The following SBNO2 variants were observed in gnomAD, a reference collection of about 807,000 sequenced individuals.
The protein encoded by SBNO2 is protein strawberry notch homolog 2.
A neutral mutation model predicts 146.3 loss-of-function variants in SBNO2; 89 were observed. That is an observed-to-expected ratio of 0.61 (90% CI 0.51 to 0.73). The LOEUF (loss-of-function observed/expected upper bound fraction) is 0.73. SBNO2 is among the 30% of genes least tolerant of loss of function. The pLI is 0.00. For missense variants in SBNO2, 2,092 were observed against 2,003.7 expected, an observed-to-expected ratio of 1.04 and a Z score of -0.84; for synonymous variants, 1,147 against 892.6, an observed-to-expected ratio of 1.29 and a Z score of -5.08.
intron 4 of SBNO2, among the ~76,000 whole-genome samples, chr19:1,130,644 T>C (rs1021427730): frequency 6.6e-6 from 1 of 152,034 alleles, no homozygotes; most frequent in Non-Finnish European, 1.5e-5. Context: ...GTTTAAAAAT[T>C]AGCTGGGCAT....
chr19:1,173,071 T>C lies in SBNO2; in HGVS notation c.-127+1101A>G, dbSNP rs1379800055. Among the ~76,000 whole-genome samples, 1 of 150,274 alleles carries C rather than the reference T, an allele frequency of 6.7e-6. No individual in the cohort carries two copies. Among genetic ancestry groups the C allele is most frequent in the African/African-American group, 2.5e-5 (1 of 40,756 alleles). ...ACCCACCGTCCCTGCCCCAGCACCA[T>C]CCGTGCCCGGCGTCCCTGGAGGCGC... On this transcript the variant is annotated intron_variant, in intron 1 of 31. Transcript: ENST00000361757. The surrounding 1 kb of genome is among the most constrained non-coding windows in gnomAD (Gnocchi z 4.7).
chr19:1,155,665 T>C (rs1376120937), intron 1 of SBNO2, among the ~76,000 whole-genome samples: 1 of 152,086 alleles, frequency 6.6e-6, no homozygotes, highest in African/African-American at 2.4e-5. Context: ...ACACCCAAGC[T>C]CCTCCAAGCC....
intron 4 of SBNO2, among the ~76,000 whole-genome samples, chr19:1,142,288 CCCTCAGTGG>C (rs1244455785): frequency 3.0e-5 from 2 of 67,296 alleles, no homozygotes; most frequent in African/African-American, 9.0e-5. Context: ...ATCAATCTGC[CCCTCAGTGG>C]CCTCCCTCCC....
intron 1 of SBNO2, among the ~76,000 whole-genome samples, chr19:1,170,568 C>T (rs1267425313): frequency 6.6e-6 from 1 of 152,152 alleles, no homozygotes; most frequent in African/African-American, 2.4e-5. Flanking sequence ...CAGCCCTCGG[C>T]TGTGGAAAAA....
chr19:1,149,678 C>G (rs547400600), intron 2 of SBNO2, among the ~76,000 whole-genome samples: 1 of 152,328 alleles, frequency 6.6e-6, no homozygotes, highest in South Asian at 2.1e-4. Context: ...ACTGAACCAC[C>G]CGCGTGAAGG....
rs917113451 is a variant in SBNO2, at chr19:1,157,071, C to T, written c.-126-2669G>A. 4.6e-5 allele frequency among the ~76,000 whole-genome samples: 7 copies of T among 151,896 alleles called. No individual in the cohort carries two copies. Among genetic ancestry groups the T allele is most frequent in the Non-Finnish European group, 1.0e-4 (7 of 67,936 alleles). On this transcript the variant is annotated intron_variant, in intron 1 of 31. Transcript: ENST00000361757. This position sits in a 1 kb window ranked among gnomAD's most constrained non-coding sequence, Gnocchi z 6.8. The stretch of plus-strand genomic sequence containing the variant: ...AACCCCTGCTGCCCCGATCCCCAGG[C>T]CCTCCCGCAGCCCCCAGCCCCTAGC...
chr19:1,109,231 T>C lies in SBNO2; in HGVS notation c.3349-20A>G. 1 of 1,571,068 alleles carries C rather than the reference T, an allele frequency of 6.4e-7. No individual in the cohort carries two copies. Among genetic ancestry groups the C allele is most frequent in the Non-Finnish European group, 8.6e-7 (1 of 1,158,948 alleles). On this transcript the variant is annotated intron_variant, in intron 29 of 31. Transcript: ENST00000361757. This position sits in a 1 kb window ranked among gnomAD's most constrained non-coding sequence, Gnocchi z 4.2. The stretch of plus-strand genomic sequence containing the variant: ...GGTGACCTAGGGACACAGGGCCGCA[T>C]GAGCCTGGGCGGGGTCAGGGCCGGC...
intron 4 of SBNO2, among the ~76,000 whole-genome samples, chr19:1,129,261 C>A (rs953071490): frequency 2.0e-5 from 3 of 152,026 alleles, no homozygotes; most frequent in Non-Finnish European, 4.4e-5. Flanking sequence ...AGGGAGACTC[C>A]ATCTCAAGAA....
At chr19:1,155,335 G>T (rs948735464) in intron 1 of SBNO2, among the ~76,000 whole-genome samples, 2 of 152,216 alleles carry the variant, frequency 1.3e-5, no homozygotes, top group Non-Finnish European at 2.9e-5. Context: ...GGCAACAGGG[G>T]CTGGGGGTCG....
chr19:1,172,707 C>T (rs552839871), intron 1 of SBNO2, among the ~76,000 whole-genome samples: 1 of 151,660 alleles, frequency 6.6e-6, no homozygotes, highest in African/African-American at 2.4e-5. Context: ...GCCCTGGGTC[C>T]TCGGCCCCTC....
At chr19:1,172,337 G>A (rs2080485984) in intron 1 of SBNO2, among the ~76,000 whole-genome samples, 1 of 152,206 alleles carries the variant, frequency 6.6e-6, no homozygotes, top group African/African-American at 2.4e-5. Flanking sequence ...TTCTCGGCAA[G>A]AACTCTGAAG....
chr19:1,169,888 G>A (rs932155389), intron 1 of SBNO2, among the ~76,000 whole-genome samples: 5 of 151,932 alleles, frequency 3.3e-5, no homozygotes, highest in African/African-American at 7.3e-5. Context: ...AAAACATTCC[G>A]CTCCCCCAAA....
intron 24 of SBNO2, 104 bp from the exon 25 acceptor site, chr19:1,111,197 A>T: frequency 7.7e-7 from 1 of 1,304,324 alleles, no homozygotes; most frequent in Non-Finnish European, 1.0e-6. Context: ...GGGGCTGGGG[A>T]GCAGCTGCAG....
chr19:1,108,553 C>G lies in SBNO2; in HGVS notation c.3768G>C (p.Val1256=). 1 of 1,243,808 alleles carries G rather than the reference C, an allele frequency of 8.0e-7. No homozygotes were observed. Among genetic ancestry groups the G allele is most frequent in the Non-Finnish European group, 1.0e-6 (1 of 994,420 alleles). 77.0% of individuals were successfully genotyped at this position (1,243,808 alleles called of 1,614,324 possible). A position where few individuals can be genotyped will look rare whatever the true frequency, so the allele number is the denominator to read the frequency against. ...PLALPCGPGE[V]LDLTYSPPAE... Reference sequence around the variant, plus strand: ...CCGGGGGGCTGTAGGTGAGGTCCAGCACCTCTCCGGGGCCGCAAGGCAGCG... The same window carrying G: ...CCGGGGGGCTGTAGGTGAGGTCCAGGACCTCTCCGGGGCCGCAAGGCAGCG... Residue 1256 remains valine (V), a synonymous_variant, in exon 32 of 32, where the codon GTG becomes GTC. Transcript: ENST00000361757.
Position 1,147,437 on chromosome 19 carries a change from G to A in SBNO2, c.168-17C>T, listed in dbSNP as rs777610239. ...ATGAACGGGCTGGAGGGAGATGGGG[G>A]GGGGGGAGGTGAGATGGGGTGCTCA... On this transcript the variant is annotated splice_polypyrimidine_tract_variant and intron_variant, in intron 3 of 31. Transcript: ENST00000361757. 90 of 1,304,828 alleles carry A rather than the reference G, an allele frequency of 6.9e-5. 6 individuals carry two copies. The highest frequency in any genetic ancestry group is 6.4e-4 in the South Asian group (46 of 71,830). 80.8% of individuals were successfully genotyped at this position (1,304,828 alleles called of 1,614,324 possible).
intron 1 of SBNO2, among the ~76,000 whole-genome samples, chr19:1,171,649 G>A (rs1002010386): frequency 1.3e-5 from 2 of 152,170 alleles, no homozygotes; most frequent in East Asian, 1.9e-4. Flanking sequence ...TGGCGTTTCC[G>A]CATGGGCCCT....
chr19:1,147,885 C>G (rs908664277), intron 3 of SBNO2, among the ~76,000 whole-genome samples: 1 of 152,154 alleles, frequency 6.6e-6, no homozygotes, highest in African/African-American at 2.4e-5. Context: ...CAGGTCGGAA[C>G]CCCCCGCCCT....
At position 1,126,854 on chromosome 19, in the gene SBNO2, T is replaced by C. The variant is rs2079971294; in HGVS notation, c.441+750A>G. On this transcript the variant is annotated intron_variant, in intron 5 of 31. Coordinates refer to ENST00000361757, the MANE Select transcript of SBNO2 (RefSeq NM_014963.3). This position sits in a 1 kb window ranked among gnomAD's most constrained non-coding sequence, Gnocchi z 4.4. ...ACTTGCCAGGCCTGGCTCCCAGCCA[T>C]GCCTCCCTCACCAGACACCTCCACT... 6.6e-6 allele frequency among the ~76,000 whole-genome samples: 1 copy of C among 152,166 alleles called. No individual in the cohort carries two copies. The highest frequency in any genetic ancestry group is 2.1e-4 in the South Asian group (1 of 4,834).
At position 1,109,447 on chromosome 19, in the gene SBNO2, G is replaced by A. The variant is rs777970519; in HGVS notation, c.3217-24C>T. On this transcript the variant is annotated intron_variant, in intron 28 of 31. Coordinates refer to ENST00000361757, the MANE Select transcript of SBNO2 (RefSeq NM_014963.3). The surrounding 1 kb of genome is among the most constrained non-coding windows in gnomAD (Gnocchi z 4.2). The stretch of plus-strand genomic sequence containing the variant: ...ACCTGCGGAGGGGGGCGTTGAGGCC[G>A]CGCCCCGGTCCGCCCCCCGCGGGCC... 44 of 1,563,064 alleles carry A rather than the reference G, an allele frequency of 2.8e-5. No individual in the cohort carries two copies. In the Admixed American group the frequency reaches 8.1e-4, roughly 29 times the overall value.
Sources: gnomAD v4.1 joint callset for allele counts (sites outside exome capture counted in the v4.1 genomes callset) on GRCh38, gnomAD v4.1.1 for gene constraint, Gnocchi (gnomAD v3.1) non-coding constraint, MANE v1.5 for transcripts, NCBI Gene and HGNC (gene_info 2026-07-23, HGNC 2026-07-21) for gene names.